The following CMTM6 variants were observed in gnomAD, a reference collection of about 807,000 sequenced individuals.
CMTM6 encodes the protein CKLF-like MARVEL transmembrane domain-containing protein 6.
In CMTM6, 5 loss-of-function variants were observed where a neutral mutation model predicts 13.6. The ratio of observed to expected loss-of-function variants is 0.37; its 90% CI spans 0.19 to 0.77. CMTM6 has a LOEUF of 0.77. Ranked by LOEUF, CMTM6 falls within the 30% of genes least tolerant of loss-of-function variation. The probability of loss-of-function intolerance (pLI) is 0.50; values close to 1 mark genes in which losing one functional copy is unlikely to be tolerated. For missense variants in CMTM6, 196 were observed against 218.6 expected (o/e 0.90, Z 0.65); for synonymous variants, 99 against 84.5 (o/e 1.17, Z -0.94).
intron 1 of CMTM6, among the ~76,000 whole-genome samples, chr3:32,496,606 C>A (rs1283994043): frequency 6.6e-6 from 1 of 152,052 alleles, no homozygotes; most frequent in Non-Finnish European, 1.5e-5. Context: ...ACAATAATAA[C>A]AATATATTTT....
chr3:32,492,859 CAT>C (rs1270305459), intron 1 of CMTM6, among the ~76,000 whole-genome samples: 2 of 152,238 alleles, frequency 1.3e-5, no homozygotes, highest in Non-Finnish European at 2.9e-5. Context: ...ACGAATTCCA[CAT>C]GTTTTCTGCA....
At chr3:32,488,626 G>C (rs1308447561) in intron 2 of CMTM6, among the ~76,000 whole-genome samples, 1 of 152,216 alleles carries the variant, frequency 6.6e-6, no homozygotes, top group Non-Finnish European at 1.5e-5. Flanking sequence ...TTATTAAATA[G>C]AAGTATGCCA....
chr3:32,490,759 A>AT (rs1207512962), intron 2 of CMTM6, among the ~76,000 whole-genome samples: 1 of 152,170 alleles, frequency 6.6e-6, no homozygotes. Context: ...TTCTAAAAAT[A>AT]TTTTTATGGT....
chr3:32,491,648 A>G, intron 2 of CMTM6, 62 bp downstream of exon 2: 1 of 1,398,084 alleles, frequency 7.2e-7, no homozygotes, highest in Non-Finnish European at 9.7e-7. Flanking sequence ...GCTTTGAACA[A>G]TAAAATTATG....
At chr3:32,495,170 T>C (rs964134800) in intron 1 of CMTM6, among the ~76,000 whole-genome samples, 2 of 152,172 alleles carry the variant, frequency 1.3e-5, no homozygotes, top group African/African-American at 4.8e-5. Context: ...GCAAAGAATT[T>C]ATATAAAAGA....
chr3:32,487,137 G>A (rs1697211878), intron 3 of CMTM6, among the ~76,000 whole-genome samples: 1 of 152,154 alleles, frequency 6.6e-6, no homozygotes, highest in African/African-American at 2.4e-5. Context: ...TGGCGACTGT[G>A]AATGGGAAGG....
In CMTM6 at chr3:32,491,850, C is replaced by A. The variant is rs1475831042; in HGVS notation, c.175G>T (p.Val59Leu). ...SLLAFICEEV[V>L]SQCTLCGGLY... ...CCTCCACATAAAGTACATTGTGATACAACTTCTTCACAGATGAAGGCCAGC... is the reference window on the plus strand; with the variant it reads ...CCTCCACATAAAGTACATTGTGATAAAACTTCTTCACAGATGAAGGCCAGC... The change falls in exon 2 of 4, where the codon GTA becomes TTA. Residue 59 changes from valine (V) to leucine (L), a missense_variant. Physicochemically the swap from Val to Leu is conservative, Grantham distance 32. Around this residue, in one of 2 missense-constraint regions of CMTM6, gnomAD observed 111 missense variants for 160.0 expected, o/e 0.69. Coordinates refer to ENST00000205636, the MANE Select transcript of CMTM6 (RefSeq NM_017801.3). The A allele has an allele frequency of 6.2e-7, 1 of 1,612,336 alleles. No individual in the cohort carries two copies. Among genetic ancestry groups the A allele is most frequent in the Admixed American group, 1.7e-5 (1 of 59,444 alleles).
intron 2 of CMTM6, among the ~76,000 whole-genome samples, chr3:32,489,309 C>T (rs1185506171): frequency 6.8e-6 from 1 of 147,636 alleles, no homozygotes; most frequent in African/African-American, 2.5e-5. Context: ...CTATTTAACA[C>T]AGAATTCCTA....
intron 1 of CMTM6, among the ~76,000 whole-genome samples, chr3:32,502,090 G>GTC (rs1559426613): frequency 6.6e-6 from 1 of 152,182 alleles, no homozygotes; most frequent in African/African-American, 2.4e-5. Flanking sequence ...AAAACTTTTA[G>GTC]AAGACAATTT....
In CMTM6 at chr3:32,482,718, T is replaced by TTTTTC. The variant is rs1697166309; in HGVS notation, c.*1241_*1242insGAAAA. The TTTTTC allele has an allele frequency of 7.0e-6, 1 of 143,356 alleles. No individual in the cohort carries two copies. The highest frequency in any genetic ancestry group is 2.6e-5 in the African/African-American group (1 of 38,328). The allele number at this position is 143,356 out of a possible 1,614,324, so 8.9% of individuals were successfully genotyped here. A position where few individuals can be genotyped will look rare whatever the true frequency, so the allele number is the denominator to read the frequency against. On this transcript the variant is annotated 3_prime_UTR_variant, in exon 4 of 4. Coordinates refer to ENST00000205636, the MANE Select transcript of CMTM6 (RefSeq NM_017801.3). ...GGGCAGGGTTCCCTGGATATTTACT[T>TTTTTC]TTTTTTTTTTTTTTTTTTGCCAAAG...
chr3:32,497,097 T>C (rs2125659124), intron 1 of CMTM6, among the ~76,000 whole-genome samples: 1 of 151,940 alleles, frequency 6.6e-6, no homozygotes, highest in East Asian at 1.9e-4. Flanking sequence ...AAAAGAAAAC[T>C]CCTACACCGG....
intron 3 of CMTM6, among the ~76,000 whole-genome samples, chr3:32,486,059 G>A (rs905738646): frequency 6.6e-6 from 1 of 152,128 alleles, no homozygotes; most frequent in Non-Finnish European, 1.5e-5. Flanking sequence ...TGTATTTTTA[G>A]TAGAGACAAG....
intron 1 of CMTM6, among the ~76,000 whole-genome samples, chr3:32,497,857 CAAA>C (rs5847769): frequency 5.1e-5 from 6 of 116,830 alleles, no homozygotes; most frequent in Admixed American, 1.8e-4. Flanking sequence ...GGCTTCGTCT[CAAA>C]AAAAAAAAAA....
rs76572489 is a variant in CMTM6 at position 32,485,142 on chromosome 3, T to C, written c.415-1045A>G. Among the ~76,000 whole-genome samples the C allele has an allele frequency of 1.8e-4, 27 of 149,856 alleles. No homozygotes were observed. In the East Asian group the frequency reaches 5.3e-3, roughly 30 times the overall value. Reference sequence around the variant, plus strand: ...GGCAACTTTCTTAAATACATCAAACTCAGACCAAATGTCACCCTTGTTTTT... The same window carrying C: ...GGCAACTTTCTTAAATACATCAAACCCAGACCAAATGTCACCCTTGTTTTT... On this transcript the variant is annotated intron_variant, in intron 3 of 3. Transcript: ENST00000205636.
At chr3:32,485,593 T>C (rs1391238147) in intron 3 of CMTM6, among the ~76,000 whole-genome samples, 1 of 152,188 alleles carries the variant, frequency 6.6e-6, no homozygotes, top group Non-Finnish European at 1.5e-5. Flanking sequence ...GCAACAAAAA[T>C]GTTTCTAAAC....
chr3:32,486,800 C>A (rs1409681660), intron 3 of CMTM6, among the ~76,000 whole-genome samples: 1 of 152,138 alleles, frequency 6.6e-6, no homozygotes, highest in African/African-American at 2.4e-5. Flanking sequence ...GGGGCAGACT[C>A]CCCCTCTGGC....
At chr3:32,492,684 C>G (rs1160689362) in intron 1 of CMTM6, among the ~76,000 whole-genome samples, 1 of 152,132 alleles carries the variant, frequency 6.6e-6, no homozygotes, top group Non-Finnish European at 1.5e-5. Context: ...CTGAGAGATG[C>G]AGCAGAAGCT....
chr3:32,494,020 C>A (rs1019937744), intron 1 of CMTM6, among the ~76,000 whole-genome samples: 2 of 151,990 alleles, frequency 1.3e-5, no homozygotes, highest in African/African-American at 4.8e-5. Flanking sequence ...TGGATGAGGT[C>A]AAAGAGAAGG....
At position 32,481,362 on chromosome 3, in the gene CMTM6, AAG is replaced by A. The variant is rs1244881615; in HGVS notation, c.*2596_*2597del. 5.8e-4 allele frequency: 70 copies of A among 119,932 alleles called. No homozygotes were observed. Among genetic ancestry groups the A allele is most frequent in the African/African-American group, 2.4e-3 (68 of 28,320 alleles). The allele number at this position is 119,932 out of a possible 1,614,324, so 7.4% of individuals were successfully genotyped here. ...TAAAAAGACTATAAAATCTGACATC[AAG>A]AGAGATAAAAAAAAAAGACCCATAA... On this transcript the variant is annotated 3_prime_UTR_variant, in exon 4 of 4. Transcript: ENST00000205636.
Sources: allele counts gnomAD v4.1 joint callset (sites outside exome capture counted in the v4.1 genomes callset), GRCh38; gene constraint gnomAD v4.1.1; regional missense constraint gnomAD v4.1.1; transcripts MANE v1.5; gene names NCBI Gene and HGNC (gene_info 2026-07-23, HGNC 2026-07-21).